The following EMSY variants were observed in gnomAD, a reference collection of about 807,000 sequenced individuals.
EMSY encodes BRCA2-interacting transcriptional repressor EMSY.
EMSY carries 26 observed loss-of-function variants against 134.6 expected under a neutral mutation model. The observed-to-expected ratio is 0.19, with a 90% CI of 0.14 to 0.27. EMSY has a LOEUF of 0.27. Among genes scored for constraint, EMSY ranks in the 10% least tolerant of loss-of-function variants. EMSY has a pLI of 1.00. For missense variants in EMSY, 1,305 were observed against 1,611.4 expected, an observed-to-expected ratio of 0.81 and a Z score of 3.26; for synonymous variants, 579 against 577.8, an observed-to-expected ratio of 1.00 and a Z score of -0.03.
intron 2 of EMSY, 108 bp from the exon 3 acceptor site, chr11:76,451,750 A>C (rs1947679203): frequency 1.9e-6 from 1 of 518,954 alleles, no homozygotes. Flanking sequence ...TTAAAACAAT[A>C]TTTTTATTTA....
intron 7 of EMSY, among the ~76,000 whole-genome samples, chr11:76,467,115 G>T (rs1220432438): frequency 1.3e-5 from 2 of 152,112 alleles, no homozygotes; most frequent in South Asian, 2.1e-4. Context: ...TTATACTGAG[G>T]ATAATTTTTA....
chr11:76,462,516 T>C (rs1315791429), intron 6 of EMSY, among the ~76,000 whole-genome samples: 1 of 152,204 alleles, frequency 6.6e-6, no homozygotes, highest in Non-Finnish European at 1.5e-5. Flanking sequence ...TGCCATCTGG[T>C]AAGTGGTACA....
At chr11:76,463,869 C>G in exon 7 of EMSY, 1 of 1,614,188 alleles carries the variant, frequency 6.2e-7, no homozygotes, top group Non-Finnish European at 8.5e-7. Context: ...CGAAGGCGAA[C>G]AAACTCTTCC....
At chr11:76,550,231 CACTTTGCCCGT>C (rs1291846053) in exon 21 of EMSY, 5 of 1,186,318 alleles carry the variant, frequency 4.2e-6, no homozygotes, top group Non-Finnish European at 5.5e-6. Context: ...CTAAAAAGAG[CACTTTGCCCGT>C]ACTTAGGCTG....
At chr11:76,462,852 T>C (rs1352744281) in intron 6 of EMSY, among the ~76,000 whole-genome samples, 1 of 152,196 alleles carries the variant, frequency 6.6e-6, no homozygotes, top group Non-Finnish European at 1.5e-5. Flanking sequence ...TAAAAACTAC[T>C]AAAGGATTTT....
At chr11:76,446,311 A>G (rs1947389481) in intron 1 of EMSY, among the ~76,000 whole-genome samples, 1 of 139,870 alleles carries the variant, frequency 7.1e-6, no homozygotes, top group Admixed American at 7.1e-5. Context: ...GTATATATAT[A>G]TGTGTGTGTG....
At chr11:76,537,867 T>A in exon 16 of EMSY, 2 of 1,613,644 alleles carry the variant, frequency 1.2e-6, no homozygotes, top group Non-Finnish European at 1.7e-6. Flanking sequence ...CCTATTCAGA[T>A]GACCCAGGAA....
downstream of EMSY, chr11:76,552,911 T>C (rs1591049048): frequency 6.6e-6 from 1 of 152,250 alleles, no homozygotes; most frequent in African/African-American, 2.4e-5. Flanking sequence ...ATGTGGTCTT[T>C]TGTGACTTCT....
exon 20 of EMSY, chr11:76,546,272 A>C: frequency 6.2e-7 from 1 of 1,610,556 alleles, no homozygotes; most frequent in Non-Finnish European, 8.5e-7. Context: ...AAAGCTGAAG[A>C]GAGTCCAGCA....
At chr11:76,520,382 G>A (rs1051616153) in intron 11 of EMSY, among the ~76,000 whole-genome samples, 1 of 152,084 alleles carries the variant, frequency 6.6e-6, no homozygotes, top group Non-Finnish European at 1.5e-5. Context: ...GTCAAAAAGT[G>A]GTCCTTGTAC....
intron 6 of EMSY, among the ~76,000 whole-genome samples, chr11:76,463,487 G>A (rs1948214340): frequency 6.6e-6 from 1 of 152,118 alleles, no homozygotes; most frequent in Non-Finnish European, 1.5e-5. Context: ...GCCGGGCGCG[G>A]TGGCGGGTGC....
chr11:76,492,430 G>A lies in EMSY; in HGVS notation c.1109-3785G>A, dbSNP rs866473298. Among the ~76,000 whole-genome samples, 8 of 152,108 alleles carry A rather than the reference G, an allele frequency of 5.3e-5. No individual in the cohort carries two copies. The South Asian group carries it at 1.0e-3, about 20-fold the overall frequency. On this transcript the variant is annotated intron_variant, in intron 8 of 20. Transcript: ENST00000334736. Reference sequence around the variant, plus strand: ...AGAGGTTGCAGTGAGTTGAGATCACGCCACTGCACTCCAGCCTGGGCCACA... The same window carrying A: ...AGAGGTTGCAGTGAGTTGAGATCACACCACTGCACTCCAGCCTGGGCCACA...
intron 5 of EMSY, 53 bp downstream of exon 6, chr11:76,458,411 G>A: frequency 6.8e-7 from 1 of 1,467,228 alleles, no homozygotes; most frequent in Non-Finnish European, 9.1e-7. Flanking sequence ...GAATCTTCAA[G>A]AAAATTTCAA....
At chr11:76,497,534 T>TA (rs1949704157) in intron 9 of EMSY, among the ~76,000 whole-genome samples, 1 of 152,172 alleles carries the variant, frequency 6.6e-6, no homozygotes, top group African/African-American at 2.4e-5. Context: ...CTTTATTAGT[T>TA]ATGGGACTTT....
chr11:76,478,327 A>G (rs947719827), intron 8 of EMSY, among the ~76,000 whole-genome samples: 1 of 148,822 alleles, frequency 6.7e-6, no homozygotes, highest in Non-Finnish European at 1.5e-5. Context: ...TTACCTTTTT[A>G]CCCATGTGAA....
At position 76,523,144 on chromosome 11, in the gene EMSY, C is replaced by T. The variant is rs533357344; in HGVS notation, c.1685-11C>T. 175 of 1,602,840 alleles carry T rather than the reference C, an allele frequency of 1.1e-4. No individual in the cohort carries two copies. The South Asian group carries it at 1.9e-3, about 17-fold the overall frequency. Reference sequence around the variant, plus strand: ...TTAACTCAGGCCTCCTTTTCTTCCCCCTTTTCTAAGGAACGACTACCAAAA... The same window carrying T: ...TTAACTCAGGCCTCCTTTTCTTCCCTCTTTTCTAAGGAACGACTACCAAAA... On this transcript the variant is annotated splice_polypyrimidine_tract_variant and intron_variant, in intron 11 of 20. Coordinates refer to ENST00000334736, the Ensembl canonical transcript of EMSY.
At chr11:76,505,246 G>T (rs1439279159) in intron 9 of EMSY, among the ~76,000 whole-genome samples, 1 of 152,032 alleles carries the variant, frequency 6.6e-6, no homozygotes, top group Non-Finnish European at 1.5e-5. Context: ...CACTTTGGGA[G>T]GCCAAGGCGG....
intron 14 of EMSY, among the ~76,000 whole-genome samples, chr11:76,531,737 A>C (rs1590992360): frequency 6.6e-6 from 1 of 152,178 alleles, no homozygotes; most frequent in African/African-American, 2.4e-5. Context: ...TTTAGCATCC[A>C]TAGATGATTT....
At chr11:76,493,382 C>T (rs944912773) in intron 8 of EMSY, among the ~76,000 whole-genome samples, 1 of 152,132 alleles carries the variant, frequency 6.6e-6, no homozygotes, top group Non-Finnish European at 1.5e-5. Flanking sequence ...GGCAGACAGG[C>T]TCGTGAGTGC....
Sources: gnomAD v4.1 joint callset for allele counts (sites outside exome capture counted in the v4.1 genomes callset) on GRCh38, gnomAD v4.1.1 for gene constraint, MANE v1.5 for transcripts, NCBI Gene and HGNC (gene_info 2026-07-23, HGNC 2026-07-21) for gene names.